The following DOCK2 variants were observed in gnomAD, a reference collection of about 807,000 sequenced individuals.
DOCK2 encodes dedicator of cytokinesis 2.
A neutral mutation model predicts 248.9 loss-of-function variants in DOCK2; 87 were observed. The observed-to-expected ratio is 0.35, with a 90% CI of 0.29 to 0.42. The LOEUF is 0.42. Ranked by LOEUF, DOCK2 falls within the 10% of genes least tolerant of loss-of-function variation. The pLI, the probability that DOCK2 is intolerant of heterozygous loss-of-function variation, is 1.00. For missense variants in DOCK2, 1,747 were observed against 2,300.2 expected, an observed-to-expected ratio of 0.76 and a Z score of 4.92; for synonymous variants, 805 against 821.6, an observed-to-expected ratio of 0.98 and a Z score of 0.35.
intron 27 of DOCK2, among the ~76,000 whole-genome samples, chr5:169,879,308 G>A (rs549797003): frequency 3.7e-4 from 56 of 152,154 alleles, no homozygotes; most frequent in South Asian, 1.7e-3. Context: ...TTATTCATTC[G>A]TTTCTAAGAT....
chr5:169,760,660 A>G (rs1764433519), intron 24 of DOCK2, among the ~76,000 whole-genome samples: 1 of 152,100 alleles, frequency 6.6e-6, no homozygotes, highest in African/African-American at 2.4e-5. Flanking sequence ...CCCCTGTGCC[A>G]TTATTCTCTG....
At chr5:170,043,063 TG>T (rs1756574673) in intron 38 of DOCK2, among the ~76,000 whole-genome samples, 1 of 152,210 alleles carries the variant, frequency 6.6e-6, no homozygotes, top group Non-Finnish European at 1.5e-5. Context: ...GTCAGGAGAT[TG>T]GCCAGACCAG....
chr5:169,951,775 T>C (rs1776677030), intron 27 of DOCK2, among the ~76,000 whole-genome samples: 1 of 152,194 alleles, frequency 6.6e-6, no homozygotes, highest in South Asian at 2.1e-4. Context: ...TTAAGCCTCT[T>C]CCACACACTA....
intron 21 of DOCK2, 56 bp from the exon 22 acceptor site, chr5:169,718,601 C>G (rs79390718): frequency 6.3e-7 from 1 of 1,577,220 alleles, no homozygotes; most frequent in African/African-American, 1.3e-5. Context: ...ATTTACTGAG[C>G]AAACTAATTA....
chr5:169,864,310 G>T (rs1561774897), intron 27 of DOCK2: 1 of 1,551,578 alleles, frequency 6.4e-7, no homozygotes. Flanking sequence ...CACCTTCTTG[G>T]TTTTCCGCCT....
chr5:169,800,473 A>G (rs771210804), intron 25 of DOCK2, among the ~76,000 whole-genome samples: 4 of 152,216 alleles, frequency 2.6e-5, no homozygotes, highest in Admixed American at 6.5e-5. Context: ...AGGCACTTGA[A>G]TATTAGTTCA....
chr5:169,981,716 TC>T (rs1777942440), intron 27 of DOCK2, among the ~76,000 whole-genome samples: 2 of 152,224 alleles, frequency 1.3e-5, no homozygotes, highest in Middle Eastern at 6.8e-3. Context: ...GCCCAGACCC[TC>T]CCCCAGCAAA....
chr5:169,937,082 A>T (rs939030670), intron 27 of DOCK2, among the ~76,000 whole-genome samples: 58 of 152,032 alleles, frequency 3.8e-4, no homozygotes, highest in African/African-American at 1.4e-3. Context: ...TTGGTAGGTG[A>T]CTCCTTCAAC....
chr5:170,042,116 A>G lies in DOCK2; in HGVS notation c.3860A>G (p.Tyr1287Cys). ...ACGCTCTACGAGACCATCATAGGCT[A>G]CTTTGACAAAGGAAAGGTAATCTGT... ...KETLYETIIGYFDKGKMWEEA... is the reference protein window; with the variant it reads ...KETLYETIIGCFDKGKMWEEA... The change falls in exon 38 of 52, where the codon TAC becomes TGC. Residue 1287 changes from tyrosine to cysteine, a missense_variant. By Grantham distance (194) the Tyr-to-Cys change is radical. Coordinates refer to ENST00000520908, the MANE Select transcript of DOCK2 (RefSeq NM_004946.3). 1 of 1,612,162 alleles carries G rather than the reference A, an allele frequency of 6.2e-7. No homozygotes were observed. Among genetic ancestry groups the G allele is most frequent in the Non-Finnish European group, 8.5e-7 (1 of 1,178,904 alleles).
At chr5:169,730,908 G>T (rs1169594187) in intron 22 of DOCK2, among the ~76,000 whole-genome samples, 2 of 151,684 alleles carry the variant, frequency 1.3e-5, no homozygotes, top group South Asian at 2.1e-4. Flanking sequence ...TAGAGACAAG[G>T]TCTTGCTCTG....
intron 26 of DOCK2, 132 bp downstream of exon 26, chr5:169,803,338 A>T (rs1767116586): frequency 2.5e-6 from 3 of 1,213,162 alleles, no homozygotes; most frequent in Non-Finnish European, 3.4e-6. Context: ...CAGCAGGCCT[A>T]CTTTTCCTGT....
chr5:170,074,145 A>G (rs1757765330), intron 46 of DOCK2, among the ~76,000 whole-genome samples: 1 of 151,386 alleles, frequency 6.6e-6, no homozygotes, highest in African/African-American at 2.5e-5. Flanking sequence ...TTCCTTTTTT[A>G]TATAAAATCT....
In DOCK2 at chr5:170,001,531, C is replaced by T. The variant is rs540329377; in HGVS notation, c.3072+5367C>T. ...TCACCGTTTTGTAGCTCTGTGATGT[C>T]GGACAAGATATTGAACCTCTCTGGG... On this transcript the variant is annotated intron_variant, in intron 30 of 51. Coordinates refer to ENST00000520908, the MANE Select transcript of DOCK2 (RefSeq NM_004946.3). Among the ~76,000 whole-genome samples, 24 of 152,170 alleles carry T rather than the reference C, an allele frequency of 1.6e-4. No individual in the cohort carries two copies. The South Asian group carries it at 4.4e-3, about 28-fold the overall frequency.
intron 25 of DOCK2, among the ~76,000 whole-genome samples, chr5:169,782,833 G>A (rs575661723): frequency 2.0e-4 from 31 of 152,246 alleles, no homozygotes; most frequent in Admixed American, 3.9e-4. Context: ...GACCTGTATC[G>A]TTAACTGGCT....
At chr5:170,022,125 T>A (rs545695979) in intron 33 of DOCK2, among the ~76,000 whole-genome samples, 1 of 152,326 alleles carries the variant, frequency 6.6e-6, no homozygotes, top group Admixed American at 6.5e-5. Flanking sequence ...TCTCTAGCTC[T>A]TATGCCTTTG....
chr5:170,039,901 G>A lies in DOCK2; in HGVS notation c.3666-1154G>A, dbSNP rs143548897. 2.4e-3 allele frequency among the ~76,000 whole-genome samples: 360 copies of A among 152,290 alleles called. 2 individuals are homozygous for A. Among genetic ancestry groups the A allele is most frequent in the African/African-American group, 8.2e-3 (339 of 41,548 alleles). ...ATATCCCCTCACCACATTACTTAGA[G>A]TTGGGTTTAAATAAATCCTGCTAAT... On this transcript the variant is annotated intron_variant, in intron 36 of 51. Coordinates refer to ENST00000520908, the MANE Select transcript of DOCK2 (RefSeq NM_004946.3).
chr5:170,037,201 C>T (rs547041586), intron 36 of DOCK2, among the ~76,000 whole-genome samples: 9 of 151,542 alleles, frequency 5.9e-5, no homozygotes, highest in African/African-American at 2.2e-4. Flanking sequence ...AATAAATTCC[C>T]ATAATCCATA....
At chr5:169,975,875 C>T (rs1347348530) in intron 27 of DOCK2, among the ~76,000 whole-genome samples, 1 of 152,174 alleles carries the variant, frequency 6.6e-6, no homozygotes, top group Non-Finnish European at 1.5e-5. Context: ...AAAACCATGC[C>T]TGGCACATAG....
chr5:169,930,054 G>A (rs879929943), intron 27 of DOCK2, among the ~76,000 whole-genome samples: 3 of 152,236 alleles, frequency 2.0e-5, no homozygotes, highest in East Asian at 3.9e-4. Flanking sequence ...GCAGTGGCAC[G>A]ATCTCAGCTC....
Sources: gnomAD v4.1 joint callset for allele counts (sites outside exome capture counted in the v4.1 genomes callset) on GRCh38, gnomAD v4.1.1 for gene constraint, MANE v1.5 for transcripts, NCBI Gene and HGNC (gene_info 2026-07-23, HGNC 2026-07-21) for gene names.